CSRNP3: variants seen among roughly 807,000 people sequenced by gnomAD.
CSRNP3 encodes the protein cysteine/serine-rich nuclear protein 3.
In CSRNP3, 12 loss-of-function variants were observed where a neutral mutation model predicts 48.0. That is an observed-to-expected ratio of 0.25 (90% CI 0.16 to 0.41). The LOEUF is 0.41. CSRNP3 is among the 10% of genes least tolerant of loss of function. The pLI, the probability that CSRNP3 is intolerant of heterozygous loss-of-function variation, is 1.00. For synonymous variants in CSRNP3, 263 were observed against 269.7 expected, an observed-to-expected ratio of 0.98 and a Z score of 0.24; for missense variants, 580 against 724.4, an observed-to-expected ratio of 0.80 and a Z score of 2.29.
At position 165,566,752 on chromosome 2, in the gene CSRNP3, T is replaced by A. The variant is rs1277552653; in HGVS notation, c.-23-28291T>A. 3 of 151,982 alleles carry A rather than the reference T, an allele frequency of 2.0e-5. No individual in the cohort carries two copies. In the East Asian group the frequency reaches 5.8e-4, roughly 29 times the overall value. The allele number at this position is 151,982 out of a possible 1,614,324, so 9.4% of individuals were successfully genotyped here. ...AACCGTTTCATTATGCTGTAACGTC[T>A]CTTTATATCTATCCCTGCCTCTAGA... On this transcript the variant is annotated intron_variant, in intron 3 of 6. Coordinates refer to ENST00000651982, the MANE Select transcript of CSRNP3 (RefSeq NM_001172173.2).
intron 4 of CSRNP3, among the ~76,000 whole-genome samples, chr2:165,627,467 G>A (rs955657394): frequency 6.6e-6 from 1 of 152,092 alleles, no homozygotes; most frequent in Non-Finnish European, 1.5e-5. Context: ...GGCCCTTGAA[G>A]TAGGCATAGC....
At chr2:165,542,289 G>A (rs1390748379) in intron 3 of CSRNP3, among the ~76,000 whole-genome samples, 9 of 152,082 alleles carry the variant, frequency 5.9e-5, no homozygotes, top group Non-Finnish European at 2.9e-5. Context: ...TGAAGCTTTC[G>A]AAAGAAAAAT....
chr2:165,638,340 A>T (rs1686668160), intron 4 of CSRNP3, among the ~76,000 whole-genome samples: 1 of 152,188 alleles, frequency 6.6e-6, no homozygotes, highest in South Asian at 2.1e-4. Context: ...ACATGCCTGT[A>T]GTCCCAGCTA....
chr2:165,543,570 A>T lies in CSRNP3; in HGVS notation c.-24+25609A>T, dbSNP rs189882569. On this transcript the variant is annotated intron_variant, in intron 3 of 6. Coordinates refer to ENST00000651982, the MANE Select transcript of CSRNP3 (RefSeq NM_001172173.2). ...ATAAGACATCTCAATCATCAAACTA[A>T]ATTCTTTTCTTTTTTTCAAGATTAT... 2.6e-5 allele frequency among the ~76,000 whole-genome samples: 4 copies of T among 152,224 alleles called. No individual in the cohort carries two copies. The East Asian group carries it at 7.7e-4, about 29-fold the overall frequency.
At chr2:165,531,835 G>A (rs1412919510) in intron 3 of CSRNP3, among the ~76,000 whole-genome samples, 1 of 152,032 alleles carries the variant, frequency 6.6e-6, no homozygotes, top group Non-Finnish European at 1.5e-5. Context: ...GAAGAAAAGA[G>A]AGAAGACTCA....
At chr2:165,532,917 C>G (rs1302408304) in intron 3 of CSRNP3, among the ~76,000 whole-genome samples, 1 of 152,058 alleles carries the variant, frequency 6.6e-6, no homozygotes, top group Non-Finnish European at 1.5e-5. Flanking sequence ...ACACCAATAA[C>G]AGACAAACAG....
intron 1 of CSRNP3, among the ~76,000 whole-genome samples, chr2:165,483,579 A>G (rs928150557): frequency 2.0e-5 from 3 of 152,210 alleles, no homozygotes; most frequent in African/African-American, 4.8e-5. Context: ...TGATTATTCT[A>G]TGTCTCAATC....
chr2:165,471,974 AT>A (rs796914961), intron 1 of CSRNP3, among the ~76,000 whole-genome samples: 3 of 151,094 alleles, frequency 2.0e-5, no homozygotes, highest in Admixed American at 1.3e-4. Flanking sequence ...AGGCATCACC[AT>A]TTTTTTTTCC....
chr2:165,561,755 A>T (rs1159054233), intron 3 of CSRNP3, among the ~76,000 whole-genome samples: 1 of 152,170 alleles, frequency 6.6e-6, no homozygotes, highest in African/African-American at 2.4e-5. Flanking sequence ...AAGAATAGAC[A>T]GTTGTGATAG....
chr2:165,541,555 C>T (rs1321030891), intron 3 of CSRNP3, among the ~76,000 whole-genome samples: 1 of 152,080 alleles, frequency 6.6e-6, no homozygotes. Context: ...TCTCTCTCCA[C>T]TTTAGAGCCC....
chr2:165,548,355 A>G (rs1205060182), intron 3 of CSRNP3, among the ~76,000 whole-genome samples: 1 of 152,074 alleles, frequency 6.6e-6, no homozygotes, highest in South Asian at 2.1e-4. Context: ...TCAATTGTAA[A>G]ATAAGATTAG....
At chr2:165,606,862 A>G (rs1311451110) in intron 4 of CSRNP3, among the ~76,000 whole-genome samples, 1 of 152,144 alleles carries the variant, frequency 6.6e-6, no homozygotes, top group Non-Finnish European at 1.5e-5. Flanking sequence ...GGAAGTAAAA[A>G]TATAACATAG....
chr2:165,568,555 C>CCT (rs1181727261), intron 3 of CSRNP3, among the ~76,000 whole-genome samples: 11 of 152,068 alleles, frequency 7.2e-5, no homozygotes, highest in Non-Finnish European at 1.5e-4. Flanking sequence ...GGCAGTGAAT[C>CCT]CTCTTACATG....
intron 3 of CSRNP3, among the ~76,000 whole-genome samples, chr2:165,555,461 C>T (rs952568025): frequency 5.3e-5 from 8 of 152,140 alleles, no homozygotes; most frequent in Non-Finnish European, 7.4e-5. Flanking sequence ...GAATGGAATG[C>T]GAGCAATATG....
At chr2:165,501,081 T>C (rs1448821271) in intron 2 of CSRNP3, among the ~76,000 whole-genome samples, 1 of 152,100 alleles carries the variant, frequency 6.6e-6, no homozygotes, top group Non-Finnish European at 1.5e-5. Context: ...TTTATAGATA[T>C]ATATTTCAAG....
At chr2:165,563,742 T>G (rs1685263424) in intron 3 of CSRNP3, among the ~76,000 whole-genome samples, 1 of 152,102 alleles carries the variant, frequency 6.6e-6, no homozygotes, top group Non-Finnish European at 1.5e-5. Flanking sequence ...ATTAAGACAC[T>G]AATATTTTTC....
rs1466377044 is a variant in CSRNP3, at chr2:165,684,278, G to A, written c.*4525G>A. ...GGAGTTACAAACCATCAAATTAGCA[G>A]GTGGAAAATTTATATTCTCAGAAGC... On this transcript the variant is annotated 3_prime_UTR_variant, in exon 7 of 7. Transcript: ENST00000651982. The A allele has an allele frequency of 6.6e-6, 1 of 152,066 alleles. No homozygotes were observed. The highest frequency in any genetic ancestry group is 1.5e-5 in the Non-Finnish European group (1 of 67,962). 9.4% of individuals were successfully genotyped at this position (152,066 alleles called of 1,614,324 possible).
chr2:165,620,014 A>G (rs1359841246), intron 4 of CSRNP3, among the ~76,000 whole-genome samples: 4 of 152,184 alleles, frequency 2.6e-5, no homozygotes, highest in Admixed American at 2.0e-4. Context: ...TCTTATTCCT[A>G]GGGAACTGAT....
At chr2:165,516,222 A>C (rs923353828) in intron 2 of CSRNP3, among the ~76,000 whole-genome samples, 1 of 152,148 alleles carries the variant, frequency 6.6e-6, no homozygotes, top group African/African-American at 2.4e-5. Flanking sequence ...TAATCTCAGG[A>C]TATTCATCTT....
Sources: allele counts gnomAD v4.1 joint callset (sites outside exome capture counted in the v4.1 genomes callset), GRCh38; gene constraint gnomAD v4.1.1; transcripts MANE v1.5; gene names NCBI Gene and HGNC (gene_info 2026-07-23, HGNC 2026-07-21).